Variants in RIMS1 observed in about 807,000 individuals in gnomAD.
The protein encoded by RIMS1 is regulating synaptic membrane exocytosis 1, also known as regulating synaptic membrane exocytosis protein 1.
Under a neutral mutation model 214.1 loss-of-function variants are expected in RIMS1, and 83 were observed. The observed-to-expected ratio is 0.39, with a 90% confidence interval of 0.32 to 0.47. RIMS1 has a LOEUF of 0.47. RIMS1 is among the 20% of genes least tolerant of loss of function. The probability of loss-of-function intolerance (pLI) is 0.99; values close to 1 mark genes in which losing one functional copy is unlikely to be tolerated. For missense variants in RIMS1, 2,050 were observed against 2,161.8 expected (o/e 0.95, Z 1.03); for synonymous variants, 793 against 786.8 (o/e 1.01, Z -0.13).
intron 2 of RIMS1, among the ~76,000 whole-genome samples, chr6:72,059,426 G>T (rs1827248345): frequency 6.6e-6 from 1 of 151,920 alleles, no homozygotes. Context: ...ACGGGGTTTT[G>T]CCATGTTGCC....
At chr6:72,023,459 A>G (rs982715079) in intron 2 of RIMS1, among the ~76,000 whole-genome samples, 7 of 151,958 alleles carry the variant, frequency 4.6e-5, no homozygotes, top group African/African-American at 1.7e-4. Context: ...TCTAAAATTC[A>G]CTCTCAAGAA....
chr6:72,321,650 A>G (rs1388122872), intron 28 of RIMS1, among the ~76,000 whole-genome samples: 1 of 151,636 alleles, frequency 6.6e-6, no homozygotes, highest in African/African-American at 2.4e-5. Flanking sequence ...TTTTATTATC[A>G]CTCCCCTAAG....
chr6:72,385,366 T>G (rs9446635), intron 29 of RIMS1, among the ~76,000 whole-genome samples: 29,269 of 152,224 alleles, frequency 0.19, 3,130 homozygotes, highest in Middle Eastern at 0.27. Flanking sequence ...ATGCAGATAA[T>G]TATACATTTG....
chr6:71,916,287 G>A (rs1337999960), intron 1 of RIMS1, among the ~76,000 whole-genome samples: 2 of 152,080 alleles, frequency 1.3e-5, no homozygotes, highest in Non-Finnish European at 2.9e-5. Context: ...TAGTCAAGTT[G>A]TTTCTAGCAA....
At chr6:72,226,735 G>A (rs137993580) in intron 6 of RIMS1, among the ~76,000 whole-genome samples, 4 of 142,910 alleles carry the variant, frequency 2.8e-5, no homozygotes, top group African/African-American at 8.0e-5. Context: ...ACAAACAACA[G>A]GACTTCAGCA....
At chr6:72,119,027 T>G (rs935535469) in intron 4 of RIMS1, among the ~76,000 whole-genome samples, 4 of 151,530 alleles carry the variant, frequency 2.6e-5, no homozygotes, top group African/African-American at 9.7e-5. Context: ...AAAGAGAAAG[T>G]CAAACAGTTG....
chr6:72,377,400 A>G (rs1481709210), intron 29 of RIMS1, among the ~76,000 whole-genome samples: 1 of 152,162 alleles, frequency 6.6e-6, no homozygotes, highest in African/African-American at 2.4e-5. Flanking sequence ...CTAGGATTCC[A>G]TGGATCTGAA....
In RIMS1 at chr6:72,182,577, C is replaced by G. The variant is rs199847427; in HGVS notation, c.1106C>G (p.Pro369Arg). The G allele has an allele frequency of 5.8e-6, 9 of 1,549,540 alleles. No homozygotes were observed. The highest frequency in any genetic ancestry group is 7.8e-6 in the Non-Finnish European group (9 of 1,147,216). Residue 369 changes from proline to arginine, a missense_variant, in exon 6 of 34, where the codon CCG becomes CGG. Pro to Arg is a moderately radical substitution (Grantham distance 103). Transcript: ENST00000521978. ...PNLARYPVKP[P>R]PEEQQMRMHA... The stretch of plus-strand genomic sequence containing the variant: ...CTAGCTCGGTACCCGGTGAAACCGC[C>G]GCCTGAGGAGCAGCAGATGCGCATG...
intron 4 of RIMS1, among the ~76,000 whole-genome samples, chr6:72,132,343 T>C (rs1206801041): frequency 6.6e-6 from 1 of 152,208 alleles, no homozygotes; most frequent in Admixed American, 6.5e-5. Context: ...TCACAATCCA[T>C]GTTCTTCTGC....
chr6:72,316,038 GT>G (rs35588785), intron 28 of RIMS1, among the ~76,000 whole-genome samples: 11,868 of 152,070 alleles, frequency 0.078, 576 homozygotes, highest in South Asian at 0.13. Flanking sequence ...AAGCAGCAAA[GT>G]TTTTTGTTCC....
chr6:72,014,950 TA>T (rs1308524943), intron 2 of RIMS1, among the ~76,000 whole-genome samples: 1 of 152,240 alleles, frequency 6.6e-6, no homozygotes, highest in Non-Finnish European at 1.5e-5. Flanking sequence ...TTTCTCTTTT[TA>T]TTATTGTATT....
chr6:71,936,194 G>A (rs1377161291), intron 1 of RIMS1, among the ~76,000 whole-genome samples: 19 of 151,520 alleles, frequency 1.3e-4, no homozygotes, highest in Admixed American at 1.2e-3. Flanking sequence ...GGGCGTGGTA[G>A]CGGGCGCCTG....
chr6:71,953,824 G>A (rs1185489113), intron 1 of RIMS1, among the ~76,000 whole-genome samples: 3 of 152,188 alleles, frequency 2.0e-5, no homozygotes, highest in Non-Finnish European at 4.4e-5. Context: ...AGACCACTGA[G>A]TTGCAACAGC....
chr6:71,954,086 A>G (rs1005343664), intron 1 of RIMS1, among the ~76,000 whole-genome samples: 4 of 152,194 alleles, frequency 2.6e-5, no homozygotes, highest in African/African-American at 9.6e-5. Flanking sequence ...TAATTAAAAT[A>G]ATTTTTAAAG....
At chr6:72,212,495 T>A (rs530223652) in intron 6 of RIMS1, among the ~76,000 whole-genome samples, 11 of 152,304 alleles carry the variant, frequency 7.2e-5, no homozygotes, top group African/African-American at 2.6e-4. Flanking sequence ...AACAAAAGTG[T>A]ATTTCTTCAT....
At chr6:72,169,515 G>T (rs1335355963) in intron 4 of RIMS1, among the ~76,000 whole-genome samples, 1 of 149,820 alleles carries the variant, frequency 6.7e-6, no homozygotes, top group Non-Finnish European at 1.5e-5. Context: ...GACCAGAAAA[G>T]AAAATTGTCA....
chr6:71,987,243 T>C (rs1247700587), intron 2 of RIMS1, among the ~76,000 whole-genome samples: 1 of 152,194 alleles, frequency 6.6e-6, no homozygotes, highest in Non-Finnish European at 1.5e-5. Flanking sequence ...TATTAAAAAA[T>C]GCTTTTGACT....
chr6:72,150,032 G>C (rs72653127), intron 4 of RIMS1, among the ~76,000 whole-genome samples: 1 of 152,092 alleles, frequency 6.6e-6, no homozygotes, highest in Non-Finnish European at 1.5e-5. Flanking sequence ...AAAGGTGAGG[G>C]GGGTGGAGAG....
intron 29 of RIMS1, among the ~76,000 whole-genome samples, chr6:72,378,754 G>A (rs981192025): frequency 3.9e-5 from 6 of 152,256 alleles, no homozygotes; most frequent in East Asian, 1.9e-4. Flanking sequence ...CAGAAGAATC[G>A]CTTAAACCTG....
Sources: allele counts gnomAD v4.1 joint callset (sites outside exome capture counted in the v4.1 genomes callset), GRCh38; gene constraint gnomAD v4.1.1; transcripts MANE v1.5; gene names NCBI Gene and HGNC (gene_info 2026-07-23, HGNC 2026-07-21).